UGDH: variants seen among roughly 807,000 people sequenced by gnomAD.
UGDH encodes UDP-glucose 6-dehydrogenase.
A neutral mutation model predicts 50.6 loss-of-function variants in UGDH; 38 were observed. That is an observed-to-expected ratio of 0.75 (90% confidence interval 0.58 to 0.98). The LOEUF (loss-of-function observed/expected upper bound fraction) is 0.98, where lower values mean the gene tolerates loss of function less well. UGDH is among the 50% of genes least tolerant of loss of function. UGDH has a pLI of 0.00. For missense variants in UGDH, 465 were observed against 606.2 expected (o/e 0.77, Z 2.45); for synonymous variants, 168 against 199.9 (o/e 0.84, Z 1.35).
At chr4:39,502,107 T>C (rs888533862) in intron 11 of UGDH, among the ~76,000 whole-genome samples, 3 of 152,228 alleles carry the variant, frequency 2.0e-5, no homozygotes, top group African/African-American at 7.2e-5. Flanking sequence ...ATTTAAAATA[T>C]GTATTTCTCT....
intron 2 of UGDH, among the ~76,000 whole-genome samples, chr4:39,518,196 G>A (rs1257485500): frequency 6.6e-6 from 1 of 152,152 alleles, no homozygotes; most frequent in Non-Finnish European, 1.5e-5. Flanking sequence ...CTCCCAAAGT[G>A]CTGGGATTAC....
intron 1 of UGDH, among the ~76,000 whole-genome samples, chr4:39,525,501 C>T (rs373801754): frequency 6.7e-6 from 1 of 148,192 alleles, no homozygotes; most frequent in South Asian, 2.1e-4. Flanking sequence ...GCCCCATTTT[C>T]TTTTCTTTTT....
In UGDH at chr4:39,509,910, T is replaced by TTA; in HGVS notation, c.664-4_664-3insTA. ...TGGGCAAGAAAAGCATTTGCTGCCT[T>TTA]AAAAAAAAAAAACATAGAGAAGAGT... On this transcript the variant is annotated splice_polypyrimidine_tract_variant and splice_region_variant and intron_variant, in intron 5 of 11. Coordinates refer to ENST00000316423, the MANE Select transcript of UGDH (RefSeq NM_003359.4). 1.4e-6 allele frequency: 2 copies of TTA among 1,399,120 alleles called. No individual in the cohort carries two copies. The highest frequency in any genetic ancestry group is 1.5e-5 in the African/African-American group (1 of 67,528). The allele number at this position is 1,399,120 out of a possible 1,614,324, so 86.7% of individuals were successfully genotyped here.
chr4:39,514,272 G>T, intron 2 of UGDH, 88 bp from the exon 3 acceptor site: 1 of 1,047,554 alleles, frequency 9.5e-7, no homozygotes, highest in Non-Finnish European at 1.4e-6. Flanking sequence ...TTGTTAAAGG[G>T]CATGGTAATA....
chr4:39,504,352 A>G, intron 10 of UGDH, 65 bp downstream of exon 10: 1 of 1,453,900 alleles, frequency 6.9e-7, no homozygotes, highest in Non-Finnish European at 9.6e-7. Flanking sequence ...ATGAACACAT[A>G]CTCAACCCCA....
chr4:39,514,299 T>C, intron 2 of UGDH, 115 bp from the exon 3 acceptor site: 1 of 846,442 alleles, frequency 1.2e-6, no homozygotes, highest in South Asian at 1.6e-5. Flanking sequence ...TTTAAAGGTC[T>C]AGGTTGTGCT....
rs543695037 is a variant in UGDH, at chr4:39,499,983, T to G, written c.*160A>C. 5.7e-4 allele frequency: 271 copies of G among 474,682 alleles called. No individual in the cohort carries two copies. Among genetic ancestry groups the G allele is most frequent in the Non-Finnish European group, 9.2e-4 (241 of 262,458 alleles). 29.4% of individuals were successfully genotyped at this position (474,682 alleles called of 1,614,324 possible). A position where few individuals can be genotyped will look rare whatever the true frequency, so the allele number is the denominator to read the frequency against. On this transcript the variant is annotated 3_prime_UTR_variant, in exon 12 of 12. Transcript: ENST00000316423. ...AAGCAGAGCTTGCAGTGAGCCGAGA[T>G]TGCACCACTGCACTCCAGCCTGGGC...
intron 2 of UGDH, among the ~76,000 whole-genome samples, chr4:39,519,345 C>A (rs968771910): frequency 6.6e-6 from 1 of 151,918 alleles, no homozygotes; most frequent in Admixed American, 6.6e-5. Context: ...GCCATGCCAC[C>A]ATGCCTGGCT....
chr4:39,522,911 C>T, intron 1 of UGDH, among the ~76,000 whole-genome samples: 1 of 151,602 alleles, frequency 6.6e-6, no homozygotes, highest in East Asian at 1.9e-4. Context: ...TACAGGCACA[C>T]ACTACCATGC....
chr4:39,505,251 G>T lies in UGDH; in HGVS notation c.1157C>A (p.Ser386Ter), dbSNP rs762313199. 2 of 1,593,548 alleles carry T rather than the reference G, an allele frequency of 1.3e-6. No individual in the cohort carries two copies. The highest frequency in any genetic ancestry group is 8.5e-7 in the Non-Finnish European group (1 of 1,173,662). The change falls in exon 9 of 12, where the codon TCA becomes TAA. Residue 386 changes from serine to a stop codon, truncating the protein, a stop_gained. Coordinates refer to ENST00000316423, the MANE Select transcript of UGDH (RefSeq NM_003359.4). LOFTEE classifies it high-confidence loss of function. ...CAAAGCCTTACCTTGGTCATCCTCT[G>T]AAACACCTGGATGAGAAAGATCCAC... ...IVVDLSHPGV[S>*]EDDQVSRLVT...
Position 39,500,144 on chromosome 4 carries a change from T to C in UGDH, c.1484A>G (p.Ter495TrpextTer29). ...AATCACAAATAAAAATGGCAATCTC[T>C]ACACTTTAGGTTTCTTGTTAGGTGG... Reference protein sequence around the residue: ...QDPPNKKPKV* With the variant: ...QDPPNKKPKVW The change falls in exon 12 of 12, where the codon TAG becomes TGG. Residue 495 changes from the stop codon to tryptophan, a stop_lost. Coordinates refer to ENST00000316423, the MANE Select transcript of UGDH (RefSeq NM_003359.4). 6.5e-7 allele frequency: 1 copy of C among 1,527,126 alleles called. No individual in the cohort carries two copies. Among genetic ancestry groups the C allele is most frequent in the Non-Finnish European group, 8.9e-7 (1 of 1,123,744 alleles). 94.6% of individuals were successfully genotyped at this position (1,527,126 alleles called of 1,614,324 possible).
chr4:39,510,995 G>A, intron 3 of UGDH, 134 bp from the exon 4 acceptor site: 2 of 728,622 alleles, frequency 2.7e-6, no homozygotes, highest in Non-Finnish European at 4.5e-6. Context: ...TAGTTCCATA[G>A]AAATAATACA....
intron 7 of UGDH, 145 bp from the exon 8 acceptor site, chr4:39,505,893 T>C: frequency 4.2e-6 from 3 of 712,016 alleles, no homozygotes; most frequent in Non-Finnish European, 5.9e-6. Flanking sequence ...CAAACTCTAG[T>C]GCCTATGGAT....
At chr4:39,520,806 G>A (rs1578281202) in intron 2 of UGDH, among the ~76,000 whole-genome samples, 1 of 151,912 alleles carries the variant, frequency 6.6e-6, no homozygotes, top group East Asian at 1.9e-4. Flanking sequence ...AGGTGCAGTG[G>A]CTCACGCCTG....
intron 4 of UGDH, 34 bp downstream of exon 4, chr4:39,510,627 G>T (rs1467941011): frequency 1.2e-6 from 2 of 1,614,022 alleles, no homozygotes; most frequent in African/African-American, 2.7e-5. Flanking sequence ...ATTTACATAA[G>T]AATAACCAGA....
intron 6 of UGDH, 36 bp from the exon 7 acceptor site, chr4:39,508,696 A>C: frequency 6.4e-7 from 1 of 1,555,582 alleles, no homozygotes; most frequent in Non-Finnish European, 8.7e-7. Context: ...ATTTTCATGT[A>C]AGAACGAGAA....
chr4:39,514,491 T>C (rs1322689570), intron 2 of UGDH, among the ~76,000 whole-genome samples: 2 of 151,556 alleles, frequency 1.3e-5, no homozygotes, highest in African/African-American at 4.9e-5. Flanking sequence ...GCCTCCCAAG[T>C]AGCTAGGACC....
At chr4:39,516,998 T>C (rs988415770) in intron 2 of UGDH, among the ~76,000 whole-genome samples, 1 of 152,284 alleles carries the variant, frequency 6.6e-6, no homozygotes, top group African/African-American at 2.4e-5. Flanking sequence ...CCAAAACTGA[T>C]GCAGAAGCAG....
In UGDH at chr4:39,500,210, T is replaced by C. The variant is rs866070634; in HGVS notation, c.1418A>G (p.Tyr473Cys). The change falls in exon 12 of 12, where the codon TAT becomes TGT. Residue 473 changes from tyrosine to cysteine, a missense_variant. Physicochemically the swap from Tyr to Cys is radical, Grantham distance 194. Transcript: ENST00000316423. Reference protein sequence around the residue: ...GKKVSSKRIPYAPSGEIPKFS... With the variant: ...GKKVSSKRIPCAPSGEIPKFS... ...CTTCGGAATTTCACCAGAAGGAGCATATGGAATTCTCTTTGAAGACACCTT... is the reference window on the plus strand; with the variant it reads ...CTTCGGAATTTCACCAGAAGGAGCACATGGAATTCTCTTTGAAGACACCTT... 6.2e-7 allele frequency: 1 copy of C among 1,605,058 alleles called. No individual in the cohort carries two copies. The highest frequency in any genetic ancestry group is 8.5e-7 in the Non-Finnish European group (1 of 1,175,282).
Sources: allele counts gnomAD v4.1 joint callset (sites outside exome capture counted in the v4.1 genomes callset), GRCh38; gene constraint gnomAD v4.1.1; transcripts MANE v1.5; gene names NCBI Gene and HGNC (gene_info 2026-07-23, HGNC 2026-07-21).